Variants in LTAP1 observed in about 807,000 individuals in gnomAD.
LTAP1 encodes lipid transport auxiliary protein 1, also known as HCV NS5A-transactivated protein 4.
the LTAP1 span, among the ~76,000 whole-genome samples, chr1:154,208,994 C>T: frequency 1.3e-5 from 2 of 152,132 alleles, no homozygotes; most frequent in East Asian, 1.9e-4. Flanking sequence ...GTGATCCACC[C>T]GCCTCAGCCT....
chr1:154,214,003 C>A, the LTAP1 span: 1 of 1,517,512 alleles, frequency 6.6e-7, no homozygotes, highest in East Asian at 2.3e-5. Context: ...CCAGGCTGGG[C>A]GTGGTGGCTC....
At chr1:154,214,708 CCAGAT>C in the LTAP1 span, 2 of 610,392 alleles carry the variant, frequency 3.3e-6, no homozygotes, top group Non-Finnish European at 5.7e-6. Flanking sequence ...AATAAAATTA[CCAGAT>C]AAGAGGTAAG....
At chr1:154,212,982 G>T in the LTAP1 span, among the ~76,000 whole-genome samples, 1 of 151,976 alleles carries the variant, frequency 6.6e-6, no homozygotes, top group African/African-American at 2.4e-5. Flanking sequence ...CCATTCTTTA[G>T]TCTTTCTAGT....
the LTAP1 span, chr1:154,220,587 G>A: frequency 5.2e-5 from 33 of 632,316 alleles, 1 homozygote; most frequent in South Asian, 6.0e-4. Flanking sequence ...AGCTGGGAAA[G>A]GAGAACGACG....
chr1:154,214,781 A>G, the LTAP1 span, among the ~76,000 whole-genome samples: 1 of 152,180 alleles, frequency 6.6e-6, no homozygotes, highest in Non-Finnish European at 1.5e-5. Context: ...GCACATCTCT[A>G]AGCTAGAACA....
At chr1:154,212,363 C>T in the LTAP1 span, 1 of 1,614,038 alleles carries the variant, frequency 6.2e-7, no homozygotes, top group Admixed American at 1.7e-5. Context: ...CGTAGGTACT[C>T]ATTCTGGCCA....
At chr1:154,215,659 G>A in the LTAP1 span, among the ~76,000 whole-genome samples, 1 of 151,882 alleles carries the variant, frequency 6.6e-6, no homozygotes, top group Non-Finnish European at 1.5e-5. Context: ...ACCTAAGAGG[G>A]TTACCAGAGC....
chr1:154,213,527 G>T, the LTAP1 span, among the ~76,000 whole-genome samples: 1 of 152,182 alleles, frequency 6.6e-6, no homozygotes, highest in Non-Finnish European at 1.5e-5. Context: ...TAGAGATAAA[G>T]CATATATGAC....
chr1:154,209,287 G>A, the LTAP1 span, among the ~76,000 whole-genome samples: 5 of 151,438 alleles, frequency 3.3e-5, no homozygotes, highest in East Asian at 1.9e-4. Context: ...TGACTACCTA[G>A]GTATCTCATA....
At chr1:154,215,658 G>A in the LTAP1 span, among the ~76,000 whole-genome samples, 8 of 151,792 alleles carry the variant, frequency 5.3e-5, no homozygotes, top group Non-Finnish European at 7.4e-5. Flanking sequence ...TACCTAAGAG[G>A]GTTACCAGAG....
the LTAP1 span, among the ~76,000 whole-genome samples, chr1:154,219,549 G>A: frequency 1.3e-5 from 2 of 152,310 alleles, no homozygotes; most frequent in Middle Eastern, 3.4e-3. Context: ...GGTAGTTTAA[G>A]ATGAGCTGGG....
At chr1:154,211,324 CTTTTTTTTTTTTTTTTTT>C in the LTAP1 span, among the ~76,000 whole-genome samples, 23 of 34,042 alleles carry the variant, frequency 6.8e-4, no homozygotes, top group Admixed American at 1.5e-3. Flanking sequence ...TTATTTAATT[CTTTTTTTTTTTTTTTTTT>C]TTTTTTTTTT....
chr1:154,213,032 C>T, the LTAP1 span: 3 of 188,568 alleles, frequency 1.6e-5, no homozygotes, highest in Admixed American at 5.4e-5. Context: ...TGAAGCTGGG[C>T]GCAGTGGCTC....
At chr1:154,211,579 C>T in the LTAP1 span, among the ~76,000 whole-genome samples, 1 of 151,368 alleles carries the variant, frequency 6.6e-6, no homozygotes, top group Non-Finnish European at 1.5e-5. Context: ...TCATGATTCG[C>T]CTGCCTCGGC....
At chr1:154,217,476 G>A in the LTAP1 span, among the ~76,000 whole-genome samples, 317 of 152,172 alleles carry the variant, frequency 2.1e-3, 2 homozygotes, top group African/African-American at 6.7e-3. Context: ...AAATGGGGTG[G>A]AAGCACATGG....
the LTAP1 span, among the ~76,000 whole-genome samples, chr1:154,209,564 A>G: frequency 3.3e-5 from 5 of 150,722 alleles, no homozygotes; most frequent in African/African-American, 9.8e-5. Flanking sequence ...AGCTGGGACT[A>G]CAGGTAGGTG....
At chr1:154,218,735 T>C in the LTAP1 span, among the ~76,000 whole-genome samples, 1 of 152,158 alleles carries the variant, frequency 6.6e-6, no homozygotes, top group Non-Finnish European at 1.5e-5. Context: ...GTCCTGGCTT[T>C]ATAGTCGTGA....
At chr1:154,208,181 C>T in the LTAP1 span, among the ~76,000 whole-genome samples, 457 of 152,002 alleles carry the variant, frequency 3.0e-3, 1 homozygote, top group African/African-American at 0.01. Flanking sequence ...GGCCAGAGAT[C>T]GCTTGAGCCC....
At chr1:154,210,992 G>T in the LTAP1 span, among the ~76,000 whole-genome samples, 1 of 151,974 alleles carries the variant, frequency 6.6e-6, no homozygotes, top group African/African-American at 2.4e-5. Context: ...AGTAAAAATA[G>T]ATTTTTTTAA....
Sources: allele counts gnomAD v4.1 joint callset (sites outside exome capture counted in the v4.1 genomes callset), GRCh38; gene constraint gnomAD v4.1.1; transcripts MANE v1.5; gene names NCBI Gene and HGNC (gene_info 2026-07-23, HGNC 2026-07-21).